Variants in SYT4 observed in about 807,000 individuals in gnomAD.
SYT4 encodes the protein synaptotagmin-4.
Under a neutral mutation model 32.9 loss-of-function variants are expected in SYT4, and 7 were observed. The ratio of observed to expected loss-of-function variants is 0.21; its 90% CI spans 0.12 to 0.40. The LOEUF (loss-of-function observed/expected upper bound fraction) is 0.40, where lower values mean the gene tolerates loss of function less well. Ranked by LOEUF, SYT4 falls within the 10% of genes least tolerant of loss-of-function variation. The pLI, the probability that SYT4 is intolerant of heterozygous loss-of-function variation, is 1.00. For missense variants in SYT4, 480 were observed against 488.0 expected (o/e 0.98, Z 0.16); for synonymous variants, 205 against 186.2 (o/e 1.10, Z -0.82).
rs960402287 is a variant in SYT4, at chr18:43,269,571, C to G, written c.*770G>C. 2.0e-5 allele frequency: 3 copies of G among 152,626 alleles called. No homozygotes were observed. Among genetic ancestry groups the G allele is most frequent in the Non-Finnish European group, 4.4e-5 (3 of 68,038 alleles). The allele number at this position is 152,626 out of a possible 1,614,324, so 9.5% of individuals were successfully genotyped here. On this transcript the variant is annotated 3_prime_UTR_variant, in exon 4 of 4. Transcript: ENST00000255224. Reference sequence around the variant, plus strand: ...TTCACAAAGGTACATAGGGATTTCTCAGGCCACACTGAGGCTTGTGACAGG... The same window carrying G: ...TTCACAAAGGTACATAGGGATTTCTGAGGCCACACTGAGGCTTGTGACAGG...
rs1468160959 is a variant in SYT4, at chr18:43,277,356, G to T, written c.-75C>A. ...GGATTCACTTGCCTGGATCTCAAGC[G>T]CCGGCTTTCGGAGCGCTGAAAACAA... On this transcript the variant is annotated 5_prime_UTR_variant, in exon 1 of 4. Coordinates refer to ENST00000255224, the MANE Select transcript of SYT4 (RefSeq NM_020783.4). The T allele has an allele frequency of 1.9e-6, 3 of 1,588,858 alleles. No homozygotes were observed. Among genetic ancestry groups the T allele is most frequent in the South Asian group, 1.1e-5 (1 of 90,328 alleles).
Position 43,271,795 on chromosome 18 carries a change from C to CAG in SYT4, c.885_886dup (p.Cys296SerfsTer10), listed in dbSNP as rs778425146. On this transcript the variant is annotated frameshift_variant, in exon 3 of 4. Coordinates refer to ENST00000255224, the MANE Select transcript of SYT4 (RefSeq NM_020783.4). LOFTEE classifies it high-confidence loss of function. The stretch of plus-strand genomic sequence containing the variant: ...TAGAGTGTTTGTGGTGGACTGATAG[C>CAG]AGAGAGAGATCAGTAACTCACCCCG... 1 of 1,613,070 alleles carries CAG rather than the reference C, an allele frequency of 6.2e-7. No homozygotes were observed. Among genetic ancestry groups the CAG allele is most frequent in the Non-Finnish European group, 8.5e-7 (1 of 1,179,230 alleles).
chr18:43,271,673 A>G (rs371994381), intron 3 of SYT4, 39 bp downstream of exon 3: 4 of 1,609,636 alleles, frequency 2.5e-6, no homozygotes, highest in African/African-American at 2.7e-5. Flanking sequence ...ATACATTCCA[A>G]TCATACAGTG....
At chr18:43,272,413 A>G (rs1908658813) in intron 2 of SYT4, among the ~76,000 whole-genome samples, 1 of 152,138 alleles carries the variant, frequency 6.6e-6, no homozygotes. Flanking sequence ...GCAAGTTTCC[A>G]TTTAAGCCAA....
rs1422988681 is a variant in SYT4, at chr18:43,269,821, C to T, written c.*520G>A. 6.5e-6 allele frequency: 1 copy of T among 154,252 alleles called. No individual in the cohort carries two copies. The highest frequency in any genetic ancestry group is 1.4e-5 in the Non-Finnish European group (1 of 69,176). 9.6% of individuals were successfully genotyped at this position (154,252 alleles called of 1,614,324 possible). A position where few individuals can be genotyped will look rare whatever the true frequency, so the allele number is the denominator to read the frequency against. On this transcript the variant is annotated 3_prime_UTR_variant, in exon 4 of 4. Transcript: ENST00000255224. ...ATAATTACAAACCAAACTGAAATGA[C>T]CAGATACTTTTATATGCAGGACAAC...
At chr18:43,274,462 G>T in intron 1 of SYT4, 68 bp from the exon 2 acceptor site, 1 of 1,259,038 alleles carries the variant, frequency 7.9e-7, no homozygotes, top group Non-Finnish European at 1.1e-6. Flanking sequence ...CTTTTGAAAA[G>T]CCTAATAGAG....
rs1568121077 is a variant in SYT4 at position 43,273,989 on chromosome 18, GAAGT to G, written c.436_439del (p.Thr146GlnfsTer15). ...TCCCAGCTTCTCTTGTTTCTCTTCT[GAAGT>G]AAGGGAAGTGCTGGACTTTAAACTC... On this transcript the variant is annotated frameshift_variant, in exon 2 of 4. Coordinates refer to ENST00000255224, the MANE Select transcript of SYT4 (RefSeq NM_020783.4). LOFTEE classifies it high-confidence loss of function. 6.2e-7 allele frequency: 1 copy of G among 1,613,918 alleles called. No homozygotes were observed. Among genetic ancestry groups the G allele is most frequent in the African/African-American group, 1.3e-5 (1 of 75,032 alleles).
intron 2 of SYT4, among the ~76,000 whole-genome samples, chr18:43,272,500 G>A (rs1186960424): frequency 6.6e-6 from 1 of 152,074 alleles, no homozygotes; most frequent in East Asian, 1.9e-4. Context: ...GTGCTACTTA[G>A]ATTTCATTTG....
intron 3 of SYT4, among the ~76,000 whole-genome samples, chr18:43,270,986 G>A (rs1296690828): frequency 1.3e-5 from 2 of 151,964 alleles, no homozygotes; most frequent in African/African-American, 4.8e-5. Context: ...TAGGATAGAA[G>A]GAAAAAAATA....
At position 43,273,277 on chromosome 18, in the gene SYT4, G is replaced by T. The variant is rs146073382; in HGVS notation, c.849+303C>A. ...AAATATTCACCTGTATTTTAAAGTAGCAGTGTCTGTCAAAATATTTATGAT... is the reference window on the plus strand; with the variant it reads ...AAATATTCACCTGTATTTTAAAGTATCAGTGTCTGTCAAAATATTTATGAT... On this transcript the variant is annotated intron_variant, in intron 2 of 3. Coordinates refer to ENST00000255224, the MANE Select transcript of SYT4 (RefSeq NM_020783.4). Among the ~76,000 whole-genome samples the T allele has an allele frequency of 4.8e-3, 733 of 152,104 alleles. 3 individuals carry two copies. Among genetic ancestry groups the T allele is most frequent in the African/African-American group, 0.017 (704 of 41,526 alleles).
intron 1 of SYT4, among the ~76,000 whole-genome samples, chr18:43,276,011 C>A (rs1457254768): frequency 6.6e-6 from 1 of 152,086 alleles, no homozygotes; most frequent in Non-Finnish European, 1.5e-5. Flanking sequence ...AGTAGAAAAT[C>A]ATTTTTTAAA....
At chr18:43,272,251 C>T (rs1332081494) in intron 2 of SYT4, 5 of 152,118 alleles carry the variant, frequency 3.3e-5, no homozygotes, top group Admixed American at 3.3e-4. Context: ...CATACTCATG[C>T]AAAAAATTAG....
chr18:43,271,792 T>A lies in SYT4; in HGVS notation c.890A>T (p.Tyr297Phe), dbSNP rs754596440. 1 of 1,613,106 alleles carries A rather than the reference T, an allele frequency of 6.2e-7. No individual in the cohort carries two copies. The highest frequency in any genetic ancestry group is 8.5e-7 in the Non-Finnish European group (1 of 1,179,314). The change falls in exon 3 of 4, where the codon TAT becomes TTT. Residue 297 changes from tyrosine (Y) to phenylalanine (F), a missense_variant. By Grantham distance (22) the Tyr-to-Phe change is conservative (BLOSUM62 3). Transcript: ENST00000255224. The part of the protein sequence containing the change: ...GRGELLISLC[Y>F]QSTTNTLTVV... ...AGTTAGAGTGTTTGTGGTGGACTGA[T>A]AGCAGAGAGAGATCAGTAACTCACC...
Position 43,277,338 on chromosome 18 carries a change from CT to C in SYT4, c.-58del, listed in dbSNP as rs1482196356. The C allele has an allele frequency of 1.2e-6, 2 of 1,609,900 alleles. No homozygotes were observed. The highest frequency in any genetic ancestry group is 1.7e-6 in the Non-Finnish European group (2 of 1,176,466). ...AGGGAAAACTGCCTGGCTGGATTCACTTGCCTGGATCTCAAGCGCCGGCTTT... is the reference window on the plus strand; with the variant it reads ...AGGGAAAACTGCCTGGCTGGATTCACTGCCTGGATCTCAAGCGCCGGCTTT... On this transcript the variant is annotated 5_prime_UTR_variant, in exon 1 of 4. Coordinates refer to ENST00000255224, the MANE Select transcript of SYT4 (RefSeq NM_020783.4).
chr18:43,276,260 C>A (rs1034789383), intron 1 of SYT4, among the ~76,000 whole-genome samples: 13 of 152,150 alleles, frequency 8.5e-5, no homozygotes, highest in Non-Finnish European at 1.8e-4. Context: ...CGTGGAAACA[C>A]TTATCTACTC....
In SYT4 at chr18:43,270,455, G is replaced by T. The variant is rs117568424; in HGVS notation, c.1164C>A (p.Ile388=). The T allele has an allele frequency of 3.1e-6, 5 of 1,614,024 alleles. No individual in the cohort carries two copies. Among genetic ancestry groups the T allele is most frequent in the East Asian group, 2.2e-5 (1 of 44,874 alleles). ...DSERGSRNEV[I]GQLVLGAAAE... ...CTGCTGCACCCAAGACTAACTGCCCGATTACCTCATTTCGGGACCCCCTTT... is the reference window on the plus strand; with the variant it reads ...CTGCTGCACCCAAGACTAACTGCCCTATTACCTCATTTCGGGACCCCCTTT... The change falls in exon 4 of 4, where the codon ATC becomes ATA. Residue 388 remains isoleucine, a synonymous_variant. Transcript: ENST00000255224.
rs1263435390 is a variant in SYT4 at position 43,268,440 on chromosome 18, AACCAT to A, written c.*1896_*1900del. 7.9e-4 allele frequency: 121 copies of A among 152,248 alleles called. No individual in the cohort carries two copies. Among genetic ancestry groups the A allele is most frequent in the African/African-American group, 2.7e-3 (114 of 41,550 alleles). The allele number at this position is 152,248 out of a possible 1,614,324, so 9.4% of individuals were successfully genotyped here. ...AAAAAAAAAATCGGCCTCGTCCAACAACCATACCTCAGCTGCTACCACCATTAACT... is the reference window on the plus strand; with the variant it reads ...AAAAAAAAAATCGGCCTCGTCCAACAACCTCAGCTGCTACCACCATTAACT... On this transcript the variant is annotated 3_prime_UTR_variant, in exon 4 of 4. Transcript: ENST00000255224.
In SYT4 at chr18:43,273,753, A is replaced by G; in HGVS notation, c.676T>C (p.Tyr226His). ...DPAFDETFTF[Y>H]GIPYTQIQEL... ...TGGATTTGGGTGTAGGGTATCCCAT[A>G]GAATGTAAAGGTCTCATCAAAAGCT... Residue 226 changes from tyrosine (Y) to histidine (H), a missense_variant, in exon 2 of 4, where the codon TAT becomes CAT. Tyr to His is a moderately conservative substitution (Grantham distance 83). Coordinates refer to ENST00000255224, the MANE Select transcript of SYT4 (RefSeq NM_020783.4). 6.2e-7 allele frequency: 1 copy of G among 1,614,034 alleles called. No homozygotes were observed. Among genetic ancestry groups the G allele is most frequent in the Non-Finnish European group, 8.5e-7 (1 of 1,179,928 alleles).
chr18:43,275,713 G>T (rs184071078), intron 1 of SYT4, among the ~76,000 whole-genome samples: 2 of 151,938 alleles, frequency 1.3e-5, no homozygotes, highest in African/African-American at 4.8e-5. Flanking sequence ...CAATAAAATC[G>T]CAATAAAAAT....
Sources: gnomAD v4.1 joint callset for allele counts (sites outside exome capture counted in the v4.1 genomes callset) on GRCh38, gnomAD v4.1.1 for gene constraint, MANE v1.5 for transcripts, NCBI Gene and HGNC (gene_info 2026-07-23, HGNC 2026-07-21) for gene names.